LARGE1: variants seen among roughly 807,000 people sequenced by gnomAD.
LARGE1 encodes xylosyl- and glucuronyltransferase LARGE1.
Under a neutral mutation model 87.6 loss-of-function variants are expected in LARGE1, and 43 were observed. The ratio of observed to expected loss-of-function variants is 0.49; its 90% CI spans 0.38 to 0.63. The LOEUF is 0.63. Among genes scored for constraint, LARGE1 ranks in the 30% least tolerant of loss-of-function variants. The pLI is 0.00. For synonymous variants in LARGE1, 434 were observed against 394.6 expected (o/e 1.10, Z -1.18); for missense variants, 802 against 1,000.2 (o/e 0.80, Z 2.67).
intron 6 of LARGE1, among the ~76,000 whole-genome samples, chr22:33,510,683 C>G (rs553414228): frequency 6.6e-6 from 1 of 152,338 alleles, no homozygotes; most frequent in Admixed American, 6.5e-5. Flanking sequence ...TCAAATGATC[C>G]TCTCACCTCA....
At chr22:33,173,340 C>T (rs961820586) in intron 11 of LARGE1, among the ~76,000 whole-genome samples, 1 of 152,150 alleles carries the variant, frequency 6.6e-6, no homozygotes, top group Non-Finnish European at 1.5e-5. Context: ...CTTACAAAAG[C>T]TCCTGAAGGA....
chr22:33,310,820 G>A, intron 11 of LARGE1, among the ~76,000 whole-genome samples: 1 of 152,046 alleles, frequency 6.6e-6, no homozygotes, highest in East Asian at 1.9e-4. Context: ...CATCCCTTGG[G>A]TTCTCTTGAG....
chr22:33,096,604 A>G, the LARGE1 span, among the ~76,000 whole-genome samples: 6,315 of 143,958 alleles, frequency 0.044, 172 homozygotes, highest in South Asian at 0.091. Context: ...TCGCTCTGTC[A>G]CCCAGGCTGC....
the LARGE1 span, among the ~76,000 whole-genome samples, chr22:33,085,759 A>G: frequency 6.6e-6 from 1 of 152,246 alleles, no homozygotes; most frequent in Admixed American, 6.5e-5. Flanking sequence ...GGTCTTGCTG[A>G]GTCACAAATA....
chr22:33,239,535 C>CTTTTTTTTTTTTTTTTTTTT (rs71187254), intron 11 of LARGE1, among the ~76,000 whole-genome samples: 51 of 95,284 alleles, frequency 5.4e-4, no homozygotes, highest in Non-Finnish European at 7.1e-4. Flanking sequence ...TTTTTCTTTT[C>CTTTTTTTTTTTTTTTTTTTT]TTTTTTTTTT....
rs578077852 is a variant in LARGE1, at chr22:33,754,272, T to C, written c.106+7099A>G. ...AGAGCAGCCCACTTGCATGCTCACA[T>C]TTTCATTTGTTGCAAGATTTTGCTC... On this transcript the variant is annotated intron_variant, in intron 2 of 14. Coordinates refer to ENST00000397394, the MANE Select transcript of LARGE1 (RefSeq NM_133642.5). Among the ~76,000 whole-genome samples, 6 of 152,290 alleles carry C rather than the reference T, an allele frequency of 3.9e-5. No individual in the cohort carries two copies. In the East Asian group the frequency reaches 7.7e-4, roughly 20 times the overall value.
intron 11 of LARGE1, among the ~76,000 whole-genome samples, chr22:33,180,084 T>TG (rs1376840075): frequency 6.6e-6 from 1 of 152,192 alleles, no homozygotes; most frequent in Non-Finnish European, 1.5e-5. Flanking sequence ...ATCTTGGTAG[T>TG]GGAGAGACTG....
At chr22:33,272,326 T>C (rs1193519277), downstream of LARGE1, among the ~76,000 whole-genome samples, 1 of 152,144 alleles carries the variant, frequency 6.6e-6, no homozygotes, top group African/African-American at 2.4e-5. Context: ...TGTGTGCTTG[T>C]GTGTACACAG....
rs375343013 is a variant in LARGE1 at position 33,364,224 on chromosome 22, T to C, written c.1131+17695A>G. ...CGCCCGCCACCACGCCCGGCTAATT[T>C]TTCTTTGTATTTTTAGTAGAGACGG... On this transcript the variant is annotated intron_variant, in intron 9 of 14. Coordinates refer to ENST00000397394, the MANE Select transcript of LARGE1 (RefSeq NM_133642.5). Among the ~76,000 whole-genome samples the C allele has an allele frequency of 2.4e-4, 36 of 150,898 alleles. No homozygotes were observed. The East Asian group carries it at 5.5e-3, about 23-fold the overall frequency.
chr22:33,570,646 CAAAAAA>C (rs10590542), intron 5 of LARGE1, among the ~76,000 whole-genome samples: 1 of 80,896 alleles, frequency 1.2e-5, no homozygotes, highest in Non-Finnish European at 2.4e-5. Context: ...GACTCCATTT[CAAAAAA>C]AAAAAAAAAA....
intron 1 of LARGE1, among the ~76,000 whole-genome samples, chr22:33,868,678 T>TA (rs1224781244): frequency 6.6e-6 from 1 of 152,152 alleles, no homozygotes; most frequent in Non-Finnish European, 1.5e-5. Flanking sequence ...TGCCTCTTAT[T>TA]AAAAACTCCT....
At chr22:33,825,431 G>C (rs1487198143) in intron 1 of LARGE1, among the ~76,000 whole-genome samples, 3 of 150,284 alleles carry the variant, frequency 2.0e-5, no homozygotes, top group African/African-American at 7.5e-5. Context: ...AAGGAAAGAG[G>C]TTTAATTGAC....
chr22:33,649,858 G>A (rs559405018), intron 3 of LARGE1, among the ~76,000 whole-genome samples: 2 of 152,344 alleles, frequency 1.3e-5, no homozygotes, highest in South Asian at 4.1e-4. Context: ...CCTAAAAGGG[G>A]AGAAGTGATA....
Position 33,379,180 on chromosome 22 carries a change from T to A in LARGE1, c.1131+2739A>T, listed in dbSNP as rs993062043. Among the ~76,000 whole-genome samples the A allele has an allele frequency of 4.8e-4, 73 of 151,902 alleles. 1 individual carries two copies. Among genetic ancestry groups the A allele is most frequent in the Non-Finnish European group, 1.5e-4 (10 of 67,948 alleles). Reference sequence around the variant, plus strand: ...AACTTTCAGTGGGGAAGTTCTTTTTTTTTTTTTTGAGTGTCGTAAAGTCTT... The same window carrying A: ...AACTTTCAGTGGGGAAGTTCTTTTTATTTTTTTTGAGTGTCGTAAAGTCTT... On this transcript the variant is annotated intron_variant, in intron 9 of 14. Coordinates refer to ENST00000397394, the MANE Select transcript of LARGE1 (RefSeq NM_133642.5).
intron 6 of LARGE1, among the ~76,000 whole-genome samples, chr22:33,538,782 C>A (rs946685579): frequency 6.6e-6 from 1 of 152,164 alleles, no homozygotes; most frequent in Non-Finnish European, 1.5e-5. Context: ...TACTCACTGC[C>A]CCTTCCAGCA....
At chr22:33,285,191 C>A (rs1377231258) in intron 12 of LARGE1, among the ~76,000 whole-genome samples, 1 of 152,174 alleles carries the variant, frequency 6.6e-6, no homozygotes, top group East Asian at 1.9e-4. Flanking sequence ...TGCTTGGACA[C>A]TGACCTTTGG....
chr22:33,244,238 G>T (rs575840535), intron 11 of LARGE1, among the ~76,000 whole-genome samples: 1 of 151,528 alleles, frequency 6.6e-6, no homozygotes, highest in South Asian at 2.1e-4. Flanking sequence ...CTCGTGATCC[G>T]CCCACTTCGG....
chr22:33,510,628 T>A (rs923771777), intron 6 of LARGE1, among the ~76,000 whole-genome samples: 7 of 152,196 alleles, frequency 4.6e-5, no homozygotes, highest in African/African-American at 1.7e-4. Flanking sequence ...TAGGCTGGGG[T>A]GCAATGATGC....
intron 10 of LARGE1, among the ~76,000 whole-genome samples, chr22:33,336,919 G>A (rs753516901): frequency 6.6e-6 from 1 of 152,028 alleles, no homozygotes; most frequent in Non-Finnish European, 1.5e-5. Context: ...AAATTAGCCG[G>A]GTGTGGTGGT....
Sources: allele counts gnomAD v4.1 joint callset (sites outside exome capture counted in the v4.1 genomes callset), GRCh38; gene constraint gnomAD v4.1.1; transcripts MANE v1.5; gene names NCBI Gene and HGNC (gene_info 2026-07-23, HGNC 2026-07-21).